The following GALNT18 variants were observed in gnomAD, a reference collection of about 807,000 sequenced individuals.
GALNT18 encodes the protein polypeptide N-acetylgalactosaminyltransferase 18, also known as GalNAc-transferase 18.
GALNT18 carries 44 observed loss-of-function variants against 69.5 expected under a neutral mutation model. The ratio of observed to expected loss-of-function variants is 0.63; its 90% CI spans 0.50 to 0.81. The LOEUF (loss-of-function observed/expected upper bound fraction) is 0.81. Among genes scored for constraint, GALNT18 ranks in the 40% least tolerant of loss-of-function variants. The probability of loss-of-function intolerance (pLI) is 0.00; values close to 1 mark genes in which losing one functional copy is unlikely to be tolerated. For synonymous variants in GALNT18, 364 were observed against 318.2 expected (o/e 1.14, Z -1.53); for missense variants, 715 against 810.0 (o/e 0.88, Z 1.42).
In GALNT18 at chr11:11,542,111, G is replaced by A. The variant is rs568451995; in HGVS notation, c.235+79248C>T. On this transcript the variant is annotated intron_variant, in intron 1 of 10. Coordinates refer to ENST00000227756, the MANE Select transcript of GALNT18 (RefSeq NM_198516.3). The surrounding 1 kb of genome is among the most constrained non-coding windows in gnomAD (Gnocchi z 4.3). Reference sequence around the variant, plus strand: ...GGCTGCAGAGGGTTCCACGCACCCCGCTCCTCACCCACAAGCTAGTGGGTC... The same window carrying A: ...GGCTGCAGAGGGTTCCACGCACCCCACTCCTCACCCACAAGCTAGTGGGTC... Among the ~76,000 whole-genome samples the A allele has an allele frequency of 2.6e-5, 4 of 152,256 alleles. No homozygotes were observed. Among genetic ancestry groups the A allele is most frequent in the East Asian group, 3.9e-4 (2 of 5,182 alleles).
At chr11:11,474,168 G>T (rs1000387884) in intron 1 of GALNT18, among the ~76,000 whole-genome samples, 2 of 152,226 alleles carry the variant, frequency 1.3e-5, no homozygotes, top group East Asian at 3.8e-4. Context: ...AATAGTAAGA[G>T]AAACTTGGAG....
In GALNT18 at chr11:11,564,052, G is replaced by T. The variant is rs1295723029; in HGVS notation, c.235+57307C>A. ...TTACTAGTGAGGCACCATGCTAAAT[G>T]AATGTCAGCTTGTTTAACTCTTACA... is the stretch of plus-strand genomic sequence containing the variant. On this transcript the variant is annotated intron_variant, in intron 1 of 10. Transcript: ENST00000227756. The surrounding 1 kb of genome is among the most constrained non-coding windows in gnomAD (Gnocchi z 4.3). Among the ~76,000 whole-genome samples the T allele has an allele frequency of 6.6e-6, 1 of 152,182 alleles. No individual in the cohort carries two copies. Among genetic ancestry groups the T allele is most frequent in the Non-Finnish European group, 1.5e-5 (1 of 68,036 alleles).
rs1855245409 is a variant in GALNT18, at chr11:11,430,709, A to G, written c.595+1912T>C. ...CTCCCCTCTGTTGGCCCGCCTGCCCATGGCTTCTCAGCCAAATGGTCCAAC... is the reference window on the plus strand; with the variant it reads ...CTCCCCTCTGTTGGCCCGCCTGCCCGTGGCTTCTCAGCCAAATGGTCCAAC... On this transcript the variant is annotated intron_variant, in intron 3 of 10. Transcript: ENST00000227756. The surrounding 1 kb of genome is among the most constrained non-coding windows in gnomAD (Gnocchi z 4.9). Among the ~76,000 whole-genome samples, 1 of 152,148 alleles carries G rather than the reference A, an allele frequency of 6.6e-6. No individual in the cohort carries two copies. Among genetic ancestry groups the G allele is most frequent in the Admixed American group, 6.5e-5 (1 of 15,280 alleles).
intron 1 of GALNT18, among the ~76,000 whole-genome samples, chr11:11,493,388 A>G (rs1252426880): frequency 1.3e-5 from 2 of 152,126 alleles, no homozygotes; most frequent in South Asian, 4.1e-4. Flanking sequence ...ACTACTCAAG[A>G]AACAACATCT....
At position 11,421,828 on chromosome 11, in the gene GALNT18, T is replaced by G. The variant is rs918138244; in HGVS notation, c.595+10793A>C. On this transcript the variant is annotated intron_variant, in intron 3 of 10. Transcript: ENST00000227756. This position sits in a 1 kb window ranked among gnomAD's most constrained non-coding sequence, Gnocchi z 5.6. ...GTACTTGGCCAAAAGGTGCCTTCTC[T>G]GGACTATGCAGTTAGAAAAGGCACT... Among the ~76,000 whole-genome samples the G allele has an allele frequency of 6.6e-6, 1 of 152,154 alleles. No homozygotes were observed. Among genetic ancestry groups the G allele is most frequent in the African/African-American group, 2.4e-5 (1 of 41,412 alleles).
intron 10 of GALNT18, among the ~76,000 whole-genome samples, chr11:11,282,006 A>AT (rs2132986840): frequency 6.6e-6 from 1 of 152,214 alleles, no homozygotes; most frequent in South Asian, 2.1e-4. Flanking sequence ...CACATCTGGG[A>AT]TATGGACAGA....
At chr11:11,537,271 C>T (rs1445843902) in intron 1 of GALNT18, among the ~76,000 whole-genome samples, 1 of 152,116 alleles carries the variant, frequency 6.6e-6, no homozygotes, top group African/African-American at 2.4e-5. Context: ...TGCTACCCTA[C>T]TCTGTATTTC....
chr11:11,376,340 C>T (rs1212756048), intron 5 of GALNT18, among the ~76,000 whole-genome samples: 1 of 152,074 alleles, frequency 6.6e-6, no homozygotes, highest in African/African-American at 2.4e-5. Context: ...CGAGATCACG[C>T]CATTGCCCTC....
In GALNT18 at chr11:11,271,386, A is replaced by G. The variant is rs553839603; in HGVS notation, c.1678-96T>C. On this transcript the variant is annotated intron_variant, in intron 10 of 10. Coordinates refer to ENST00000227756, the MANE Select transcript of GALNT18 (RefSeq NM_198516.3). ...CAAGTGGCTGGTGAGGGCTGACATT[A>G]TCTGTGTGGCCAGATCCCAGGAGGT... 1.1e-4 allele frequency: 141 copies of G among 1,310,402 alleles called. 2 individuals are homozygous for G. The South Asian group carries it at 1.7e-3, about 16-fold the overall frequency. 81.2% of individuals were successfully genotyped at this position (1,310,402 alleles called of 1,614,324 possible).
intron 10 of GALNT18, among the ~76,000 whole-genome samples, chr11:11,279,325 T>G (rs548929427): frequency 3.3e-5 from 5 of 151,478 alleles, no homozygotes; most frequent in South Asian, 2.1e-4. Context: ...AATTAAAAAT[T>G]TCTTAAAAAA....
At position 11,562,672 on chromosome 11, in the gene GALNT18, G is replaced by C. The variant is rs901863592; in HGVS notation, c.235+58687C>G. On this transcript the variant is annotated intron_variant, in intron 1 of 10. Coordinates refer to ENST00000227756, the MANE Select transcript of GALNT18 (RefSeq NM_198516.3). The surrounding 1 kb of genome is among the most constrained non-coding windows in gnomAD (Gnocchi z 4.1). ...CTGCAAATAGCAAAGCAAGTCAGCA[G>C]AGGAGCAAACAAAGTATTACATATT... 6.6e-6 allele frequency among the ~76,000 whole-genome samples: 1 copy of C among 152,172 alleles called. No individual in the cohort carries two copies. The highest frequency in any genetic ancestry group is 2.4e-5 in the African/African-American group (1 of 41,434).
intron 10 of GALNT18, among the ~76,000 whole-genome samples, chr11:11,290,674 T>G (rs1849281224): frequency 1.3e-5 from 2 of 152,158 alleles, no homozygotes; most frequent in African/African-American, 4.8e-5. Context: ...CATTCCCAAT[T>G]AAGTACATTG....
Position 11,604,680 on chromosome 11 carries a change from C to A in GALNT18, c.235+16679G>T, listed in dbSNP as rs181997601. ...TGGATTTTGCTCCTGTTTTCTCAAACTGGCAAAACCCAAAAGGCAAAGAGA... is the reference window on the plus strand; with the variant it reads ...TGGATTTTGCTCCTGTTTTCTCAAAATGGCAAAACCCAAAAGGCAAAGAGA... On this transcript the variant is annotated intron_variant, in intron 1 of 10. Transcript: ENST00000227756. The surrounding 1 kb of genome is among the most constrained non-coding windows in gnomAD (Gnocchi z 5.6). 6.6e-6 allele frequency among the ~76,000 whole-genome samples: 1 copy of A among 152,166 alleles called. No individual in the cohort carries two copies. Among genetic ancestry groups the A allele is most frequent in the Non-Finnish European group, 1.5e-5 (1 of 68,008 alleles).
intron 1 of GALNT18, among the ~76,000 whole-genome samples, chr11:11,449,489 C>T (rs551631042): frequency 6.6e-6 from 1 of 152,362 alleles, no homozygotes; most frequent in Admixed American, 6.5e-5. Flanking sequence ...CAGACTGCCT[C>T]CTGCTGCTTC....
chr11:11,424,984 G>A (rs1359540739), intron 3 of GALNT18, among the ~76,000 whole-genome samples: 1 of 152,130 alleles, frequency 6.6e-6, no homozygotes, highest in African/African-American at 2.4e-5. Context: ...GGAGGATGTG[G>A]TCTTCTGTGG....
chr11:11,423,126 TACAC>T (rs111881079), intron 3 of GALNT18, among the ~76,000 whole-genome samples: 12 of 152,178 alleles, frequency 7.9e-5, no homozygotes, highest in African/African-American at 1.2e-4. Flanking sequence ...AGACACACAA[TACAC>T]ACACAAACAC....
At chr11:11,457,134 G>A (rs1445302932) in intron 1 of GALNT18, among the ~76,000 whole-genome samples, 1 of 152,228 alleles carries the variant, frequency 6.6e-6, no homozygotes, top group Non-Finnish European at 1.5e-5. Flanking sequence ...GAAGGGTTCT[G>A]CTTCAGTGGG....
rs1206262757 is a variant in GALNT18, at chr11:11,409,036, C to T, written c.595+23585G>A. ...GTGGTGGTGAGGCATTGAGGTGTCA[C>T]GATGTATTTTTCAAGGGAATGTGTC... On this transcript the variant is annotated intron_variant, in intron 3 of 10. Coordinates refer to ENST00000227756, the MANE Select transcript of GALNT18 (RefSeq NM_198516.3). Among the ~76,000 whole-genome samples, 8 of 152,150 alleles carry T rather than the reference C, an allele frequency of 5.3e-5. 1 individual carries two copies. Among genetic ancestry groups the T allele is most frequent in the Admixed American group, 4.6e-4 (7 of 15,270 alleles).
Position 11,604,222 on chromosome 11 carries a change from T to G in GALNT18, c.235+17137A>C, listed in dbSNP as rs185626543. 6.6e-6 allele frequency among the ~76,000 whole-genome samples: 1 copy of G among 152,350 alleles called. No homozygotes were observed. The highest frequency in any genetic ancestry group is 6.5e-5 in the Admixed American group (1 of 15,308). ...AGCCCAAATAGACTAAGATACCACTTTTCAAAGATTGTGTTGGTTTGGTTA... is the reference window on the plus strand; with the variant it reads ...AGCCCAAATAGACTAAGATACCACTGTTCAAAGATTGTGTTGGTTTGGTTA... On this transcript the variant is annotated intron_variant, in intron 1 of 10. Coordinates refer to ENST00000227756, the MANE Select transcript of GALNT18 (RefSeq NM_198516.3). This position sits in a 1 kb window ranked among gnomAD's most constrained non-coding sequence, Gnocchi z 5.6.
Sources: gnomAD v4.1 joint callset for allele counts (sites outside exome capture counted in the v4.1 genomes callset) on GRCh38, gnomAD v4.1.1 for gene constraint, Gnocchi (gnomAD v3.1) non-coding constraint, MANE v1.5 for transcripts, NCBI Gene and HGNC (gene_info 2026-07-23, HGNC 2026-07-21) for gene names.